Variants in VPS13C observed in about 807,000 individuals in gnomAD.
The protein encoded by VPS13C is intermembrane lipid transfer protein VPS13C.
In VPS13C, 358 loss-of-function variants were observed where a neutral mutation model predicts 456.8. The ratio of observed to expected loss-of-function variants is 0.78; its 90% CI spans 0.72 to 0.86. The LOEUF (loss-of-function observed/expected upper bound fraction) is 0.86, where lower values mean the gene tolerates loss of function less well. Among genes scored for constraint, VPS13C ranks in the 40% least tolerant of loss-of-function variants. The probability of loss-of-function intolerance (pLI) is 0.00; values close to 1 mark genes in which losing one functional copy is unlikely to be tolerated. For synonymous variants in VPS13C, 1,578 were observed against 1,486.7 expected, an observed-to-expected ratio of 1.06 and a Z score of -1.41; for missense variants, 4,818 against 4,385.4, an observed-to-expected ratio of 1.10 and a Z score of -2.79.
chr15:62,055,820 G>T (rs991141012), intron 1 of VPS13C, among the ~76,000 whole-genome samples: 2 of 152,080 alleles, frequency 1.3e-5, no homozygotes, highest in African/African-American at 4.8e-5. Context: ...CACCCAGTAG[G>T]TCCCTTACAA....
At chr15:61,992,220 C>T (rs1341633632) in intron 16 of VPS13C, among the ~76,000 whole-genome samples, 1 of 152,136 alleles carries the variant, frequency 6.6e-6, no homozygotes, top group South Asian at 2.1e-4. Flanking sequence ...ATATACAATG[C>T]TGGCTTGCTA....
chr15:62,008,861 T>C, intron 13 of VPS13C, 100 bp from the exon 14 acceptor site: 1 of 555,662 alleles, frequency 1.8e-6, no homozygotes, highest in East Asian at 3.3e-5. Context: ...CCAAATACCC[T>C]GAACAATGTT....
chr15:62,001,019 C>A (rs2046594250), intron 15 of VPS13C, among the ~76,000 whole-genome samples: 1 of 152,118 alleles, frequency 6.6e-6, no homozygotes, highest in African/African-American at 2.4e-5. Context: ...GGTGACATTA[C>A]AAAACACATA....
chr15:61,956,749 C>T (rs1035952516), intron 37 of VPS13C, among the ~76,000 whole-genome samples: 2 of 152,076 alleles, frequency 1.3e-5, no homozygotes, highest in Non-Finnish European at 2.9e-5. Flanking sequence ...TAGTGAGATG[C>T]CACTGCCTAT....
chr15:61,900,076 A>G (rs1425594960), intron 66 of VPS13C, among the ~76,000 whole-genome samples: 1 of 152,216 alleles, frequency 6.6e-6, no homozygotes, highest in Non-Finnish European at 1.5e-5. Flanking sequence ...TTCATGCTAA[A>G]AACTCTCAAT....
rs2046517649 is a variant in VPS13C at position 61,999,408 on chromosome 15, G to T, written c.1353+1156C>A. Among the ~76,000 whole-genome samples the T allele has an allele frequency of 2.0e-5, 3 of 151,642 alleles. No individual in the cohort carries two copies. The South Asian group carries it at 6.2e-4, about 32-fold the overall frequency. ...AAAAAAAAAAAGAGAGAGAGAGAGA[G>T]AAAGTAGTTATACACAAATTTTTAA... is the stretch of plus-strand genomic sequence containing the variant. On this transcript the variant is annotated intron_variant, in intron 16 of 84. Transcript: ENST00000644861.
At chr15:61,941,090 C>T (rs76114874) in intron 46 of VPS13C, among the ~76,000 whole-genome samples, 4,800 of 152,192 alleles carry the variant, frequency 0.032, 152 homozygotes, top group African/African-American at 0.074. Flanking sequence ...TTTGATACAG[C>T]GAATAGTTTA....
intron 22 of VPS13C, among the ~76,000 whole-genome samples, chr15:61,980,210 A>C (rs1197911200): frequency 6.7e-6 from 1 of 149,330 alleles, no homozygotes; most frequent in Non-Finnish European, 1.5e-5. Context: ...AAAAAAAAAA[A>C]AAAGAGAGAG....
chr15:61,999,462 T>C (rs2046520555), intron 16 of VPS13C, among the ~76,000 whole-genome samples: 1 of 152,118 alleles, frequency 6.6e-6, no homozygotes, highest in Non-Finnish European at 1.5e-5. Context: ...TCCCTAACGT[T>C]CAGTTTGTTC....
At chr15:61,919,515 A>G in intron 57 of VPS13C, 66 bp from the exon 58 acceptor site, 2 of 1,372,754 alleles carry the variant, frequency 1.5e-6, no homozygotes, top group South Asian at 3.8e-5. Context: ...TATAACAATC[A>G]TTAGTACCTC....
chr15:61,864,558 T>C (rs1182645276), intron 81 of VPS13C: 1 of 931,872 alleles, frequency 1.1e-6, no homozygotes, highest in African/African-American at 1.8e-5. Context: ...AAGGATAATA[T>C]AATCAATATA....
At chr15:61,973,001 T>C (rs79492594) in intron 26 of VPS13C, among the ~76,000 whole-genome samples, 1,690 of 152,282 alleles carry the variant, frequency 0.011, 42 homozygotes, top group African/African-American at 0.039. Flanking sequence ...TTTTTCCCTA[T>C]AGTTCATTCA....
In VPS13C at chr15:61,985,005, C is replaced by CAGAA; in HGVS notation, c.1579-10_1579-7dup. ...GTCATAATATGGGCAACATACTATACAGAAAGAATGAAATTAAAATTGTTA... is the reference window on the plus strand; with the variant it reads ...GTCATAATATGGGCAACATACTATACAGAAAGAAAGAATGAAATTAAAATTGTTA... On this transcript the variant is annotated splice_polypyrimidine_tract_variant and splice_region_variant and intron_variant, in intron 18 of 84. Coordinates refer to ENST00000644861, the MANE Select transcript of VPS13C (RefSeq NM_020821.3). The CAGAA allele has an allele frequency of 7.0e-7, 1 of 1,424,948 alleles. No homozygotes were observed. The highest frequency in any genetic ancestry group is 1.5e-5 in the African/African-American group (1 of 67,956). 88.3% of individuals were successfully genotyped at this position (1,424,948 alleles called of 1,614,324 possible).
At chr15:62,037,334 T>G (rs71409108) in intron 3 of VPS13C, among the ~76,000 whole-genome samples, 1 of 79,820 alleles carries the variant, frequency 1.3e-5, no homozygotes, top group African/African-American at 4.9e-5. Context: ...TTATATACAT[T>G]TATATATAAT....
At chr15:62,020,598 T>G in intron 8 of VPS13C, 60 bp from the exon 9 acceptor site, 1 of 1,528,958 alleles carries the variant, frequency 6.5e-7, no homozygotes, top group Non-Finnish European at 9.0e-7. Flanking sequence ...ATCCATGTCC[T>G]TTACAATAGG....
Position 61,890,468 on chromosome 15 carries a change from A to G in VPS13C, c.9106-68T>C, listed in dbSNP as rs148991547. The G allele has an allele frequency of 1.3e-4, 184 of 1,368,074 alleles. 1 individual carries two copies. The African/African-American group carries it at 1.4e-3, about 10-fold the overall frequency. 84.7% of individuals were successfully genotyped at this position (1,368,074 alleles called of 1,614,324 possible). A position where few individuals can be genotyped will look rare whatever the true frequency, so the allele number is the denominator to read the frequency against. On this transcript the variant is annotated intron_variant, in intron 66 of 84. Transcript: ENST00000644861. The stretch of plus-strand genomic sequence containing the variant: ...TGTTATTATATAAAATTGAACTATA[A>G]TAACAGAAAGATTAGAAAAGTTTAA...
rs1452644709 is a variant in VPS13C, at chr15:61,863,487, G to C, written c.10905C>G (p.His3635Gln). Residue 3635 changes from histidine (H) to glutamine (Q), a missense_variant, in exon 82 of 85, where the codon CAC becomes CAG. His to Gln is a conservative substitution (Grantham distance 24). Transcript: ENST00000644861. ...KKLEGETYRY[H>Q]CAIPGSKKTI... ...TCTTCTTGCTTCCAGGAATAGCACA[G>C]TGGTATCGGTAAGTCTCTCCTTCCA... is the stretch of plus-strand genomic sequence containing the variant. The C allele has an allele frequency of 6.2e-7, 1 of 1,612,844 alleles. No homozygotes were observed. Among genetic ancestry groups the C allele is most frequent in the African/African-American group, 1.3e-5 (1 of 74,852 alleles).
At chr15:61,960,659 T>C (rs1410381516) in intron 35 of VPS13C, among the ~76,000 whole-genome samples, 6 of 152,342 alleles carry the variant, frequency 3.9e-5, no homozygotes, top group African/African-American at 1.4e-4. Context: ...TGTTTATAGA[T>C]AGGTTAAAGC....
intron 1 of VPS13C, among the ~76,000 whole-genome samples, chr15:62,053,312 A>G (rs1229942997): frequency 6.6e-6 from 1 of 152,186 alleles, no homozygotes; most frequent in African/African-American, 2.4e-5. Flanking sequence ...AAAAGCAAAA[A>G]GAGCTGCTTT....
Sources: allele counts gnomAD v4.1 joint callset (sites outside exome capture counted in the v4.1 genomes callset), GRCh38; gene constraint gnomAD v4.1.1; transcripts MANE v1.5; gene names NCBI Gene and HGNC (gene_info 2026-07-23, HGNC 2026-07-21).